Variants in RBFOX3 observed in about 807,000 individuals in gnomAD.
The protein encoded by RBFOX3 is RNA binding fox-1 homolog 3, also known as RNA binding protein fox-1 homolog 3.
RBFOX3 carries 17 observed loss-of-function variants against 48.7 expected under a neutral mutation model. The ratio of observed to expected loss-of-function variants is 0.35; its 90% CI spans 0.24 to 0.52. RBFOX3 has a LOEUF of 0.52. Ranked by LOEUF, RBFOX3 falls within the 20% of genes least tolerant of loss-of-function variation. RBFOX3 has a pLI of 0.94. For missense variants in RBFOX3, 382 were observed against 497.5 expected (o/e 0.77, Z 2.21); for synonymous variants, 212 against 209.5 (o/e 1.01, Z -0.10).
At chr17:79,246,223 C>T (rs2063153084) in intron 3 of RBFOX3, among the ~76,000 whole-genome samples, 1 of 152,210 alleles carries the variant, frequency 6.6e-6, no homozygotes, top group South Asian at 2.1e-4. Context: ...AGGTCATTCT[C>T]CAAGTCCTCC....
intron 4 of RBFOX3, among the ~76,000 whole-genome samples, chr17:79,156,028 C>T (rs552148865): frequency 4.7e-4 from 72 of 152,358 alleles, no homozygotes; most frequent in African/African-American, 1.6e-3. Context: ...CATCATTCAG[C>T]GGCCTCGTCC....
intron 2 of RBFOX3, among the ~76,000 whole-genome samples, chr17:79,368,692 C>T (rs1277147448): frequency 6.6e-6 from 1 of 152,186 alleles, no homozygotes; most frequent in Non-Finnish European, 1.5e-5. Flanking sequence ...CGCACACCAG[C>T]CCGATGCTGG....
chr17:79,121,379 C>G (rs1430355953), intron 4 of RBFOX3, among the ~76,000 whole-genome samples: 3 of 152,144 alleles, frequency 2.0e-5, no homozygotes, highest in Admixed American at 2.0e-4. Context: ...CACCATGGCT[C>G]CTTCATCCTA....
At chr17:79,656,703 AGGAAG>A in the RBFOX3 span, among the ~76,000 whole-genome samples, 82,761 of 109,870 alleles carry the variant, frequency 0.75, 31,601 homozygotes, top group Non-Finnish European at 0.85. Context: ...GAAGGAAGGA[AGGAAG>A]GAGAGAGAGA....
intron 2 of RBFOX3, among the ~76,000 whole-genome samples, chr17:79,452,850 C>T (rs1023006730): frequency 1.3e-5 from 2 of 152,322 alleles, no homozygotes; most frequent in East Asian, 1.9e-4. Flanking sequence ...GGAAGAAACA[C>T]CCTTGGCAGG....
intron 2 of RBFOX3, among the ~76,000 whole-genome samples, chr17:79,424,283 G>A (rs1035737039): frequency 2.6e-5 from 4 of 152,306 alleles, no homozygotes; most frequent in Non-Finnish European, 4.4e-5. Context: ...CCTCCCGCCC[G>A]TCCCAGGAGC....
chr17:79,090,733 G>T lies in RBFOX3; in HGVS notation c.*150C>A. The T allele has an allele frequency of 1.0e-6, 1 of 986,656 alleles. No homozygotes were observed. The highest frequency in any genetic ancestry group is 1.7e-5 in the African/African-American group (1 of 60,304). 61.1% of individuals were successfully genotyped at this position (986,656 alleles called of 1,614,324 possible). ...GTGCGGGCGTGTGGCCAGGACGCGG[G>T]ACTTGGACTTGGTTGGATGCCTCTT... is the stretch of plus-strand genomic sequence containing the variant. On this transcript the variant is annotated 3_prime_UTR_variant, in exon 15 of 15. Transcript: ENST00000693108.
chr17:79,479,258 T>C lies in RBFOX3; in HGVS notation c.-175+3196A>G, dbSNP rs966547058. Among the ~76,000 whole-genome samples the C allele has an allele frequency of 6.6e-6, 1 of 152,150 alleles. No individual in the cohort carries two copies. Among genetic ancestry groups the C allele is most frequent in the Non-Finnish European group, 1.5e-5 (1 of 68,014 alleles). ...TTGGCGGCCCCTTCTCTGAAGCCCA[T>C]GTCCAGGCTGCAGGGAGAACCCAGG... On this transcript the variant is annotated intron_variant, in intron 2 of 14. Coordinates refer to ENST00000693108, the MANE Select transcript of RBFOX3 (RefSeq NM_001350451.2). The surrounding 1 kb of genome is among the most constrained non-coding windows in gnomAD (Gnocchi z 5.1).
chr17:79,174,770 C>T (rs1240878581), intron 4 of RBFOX3, among the ~76,000 whole-genome samples: 1 of 152,222 alleles, frequency 6.6e-6, no homozygotes, highest in Admixed American at 6.5e-5. Context: ...ACACACTTGC[C>T]CCACTTAGCA....
intron 4 of RBFOX3, among the ~76,000 whole-genome samples, chr17:79,164,187 C>T (rs967919136): frequency 6.6e-6 from 1 of 152,156 alleles, no homozygotes; most frequent in Non-Finnish European, 1.5e-5. Context: ...GAGGGGTGGG[C>T]ATGGCTGCAC....
Position 79,390,377 on chromosome 17 carries a change from G to C in RBFOX3, c.-174-82553C>G, listed in dbSNP as rs530909495. Among the ~76,000 whole-genome samples the C allele has an allele frequency of 3.9e-4, 59 of 152,316 alleles. No homozygotes were observed. The highest frequency in any genetic ancestry group is 1.3e-3 in the African/African-American group (52 of 41,572). On this transcript the variant is annotated intron_variant, in intron 2 of 14. Transcript: ENST00000693108. The surrounding 1 kb of genome is among the most constrained non-coding windows in gnomAD (Gnocchi z 4.2). ...ATCACGACCATCACGGCCAGGTGAC[G>C]GGTTCCAGCTCATTCGGGGCTCAGC... is the stretch of plus-strand genomic sequence containing the variant.
At chr17:79,463,524 T>C (rs1243108309) in intron 2 of RBFOX3, among the ~76,000 whole-genome samples, 22 of 26,282 alleles carry the variant, frequency 8.4e-4, no homozygotes, top group Admixed American at 1.7e-3. Context: ...ACCTCCACCA[T>C]CGCCACTGCC....
Position 79,103,937 on chromosome 17 carries a change from C to T in RBFOX3, c.414+136G>A, listed in dbSNP as rs1430991518. 5.6e-6 allele frequency: 4 copies of T among 710,076 alleles called. No individual in the cohort carries two copies. Among genetic ancestry groups the T allele is most frequent in the African/African-American group, 1.8e-5 (1 of 56,548 alleles). The allele number at this position is 710,076 out of a possible 1,614,324, so 44.0% of individuals were successfully genotyped here. On this transcript the variant is annotated intron_variant, in intron 7 of 14. Transcript: ENST00000693108. This position sits in a 1 kb window ranked among gnomAD's most constrained non-coding sequence, Gnocchi z 6.1. ...GGCGGGGCGGGTGGGGGCGGAAGAG[C>T]GGGGAATACAAGCACCCGTGTCGCT... is the stretch of plus-strand genomic sequence containing the variant.
intron 4 of RBFOX3, among the ~76,000 whole-genome samples, chr17:79,145,268 G>A (rs2042793530): frequency 6.6e-6 from 1 of 152,216 alleles, no homozygotes. Context: ...GGGTCTTGCA[G>A]AGATTCTGAC....
chr17:79,257,255 C>T (rs2065026876), intron 3 of RBFOX3, among the ~76,000 whole-genome samples: 1 of 152,344 alleles, frequency 6.6e-6, no homozygotes. Context: ...AAGCCCCGAG[C>T]CCCGGGAGGT....
intron 1 of RBFOX3, among the ~76,000 whole-genome samples, chr17:79,510,926 A>C (rs1023164882): frequency 1.2e-3 from 188 of 152,120 alleles, no homozygotes; most frequent in African/African-American, 4.3e-3. Context: ...GGAGAAGGAG[A>C]GGGAGATGGA....
intron 4 of RBFOX3, among the ~76,000 whole-genome samples, chr17:79,122,300 A>G (rs1354835132): frequency 6.6e-6 from 1 of 152,080 alleles, no homozygotes; most frequent in East Asian, 1.9e-4. Context: ...GTAGAACCCA[A>G]AGTCCTGAGA....
chr17:79,469,776 G>A (rs1363420478), intron 2 of RBFOX3, among the ~76,000 whole-genome samples: 2 of 152,232 alleles, frequency 1.3e-5, no homozygotes, highest in African/African-American at 2.4e-5. Flanking sequence ...TTGCTCACGT[G>A]CAGTCAGAAG....
At chr17:79,501,694 C>T (rs2082409402) in intron 1 of RBFOX3, among the ~76,000 whole-genome samples, 1 of 152,226 alleles carries the variant, frequency 6.6e-6, no homozygotes, top group Admixed American at 6.5e-5. Context: ...ATTCCATGCA[C>T]ACACATGCCC....
Sources: gnomAD v4.1 joint callset for allele counts (sites outside exome capture counted in the v4.1 genomes callset) on GRCh38, gnomAD v4.1.1 for gene constraint, Gnocchi (gnomAD v3.1) non-coding constraint, MANE v1.5 for transcripts, NCBI Gene and HGNC (gene_info 2026-07-23, HGNC 2026-07-21) for gene names.